MAU2: variants seen among roughly 807,000 people sequenced by gnomAD.
The protein encoded by MAU2 is MAU2 sister chromatid cohesion factor, also known as MAU2 chromatid cohesion factor homolog.
Under a neutral mutation model 89.1 loss-of-function variants are expected in MAU2, and 9 were observed. That is an observed-to-expected ratio of 0.10 (90% CI 0.06 to 0.18). MAU2 has a LOEUF of 0.18. Among genes scored for constraint, MAU2 ranks in the 10% least tolerant of loss-of-function variants. The pLI is 1.00. For synonymous variants in MAU2, 357 were observed against 343.4 expected, an observed-to-expected ratio of 1.04 and a Z score of -0.44; for missense variants, 425 against 803.5, an observed-to-expected ratio of 0.53 and a Z score of 5.69.
At chr19:19,349,732 G>C (rs73001065) in intron 16 of MAU2, among the ~76,000 whole-genome samples, 7,221 of 152,298 alleles carry the variant, frequency 0.047, 216 homozygotes, top group Non-Finnish European at 0.067. Flanking sequence ...GCTGCCCTGA[G>C]CTACTGGGGA....
intron 18 of MAU2, 148 bp downstream of exon 18, chr19:19,355,539 C>A: frequency 7.8e-7 from 1 of 1,278,540 alleles, no homozygotes; most frequent in Non-Finnish European, 1.1e-6. Flanking sequence ...TGGCCATGGG[C>A]ACCCCCACCC....
rs2061605705 is a variant in MAU2, at chr19:19,337,348, A to C, written c.456+83A>C. 7 of 1,100,668 alleles carry C rather than the reference A, an allele frequency of 6.4e-6. No homozygotes were observed. In the South Asian group the frequency reaches 6.4e-5, roughly 10 times the overall value. 68.2% of individuals were successfully genotyped at this position (1,100,668 alleles called of 1,614,324 possible). ...ACCTGCCCCATTTGCAAAGAACAGC[A>C]GAGTCCACGATGCGCAGACCCCCTC... On this transcript the variant is annotated intron_variant, in intron 4 of 18. Coordinates refer to ENST00000262815, the MANE Select transcript of MAU2 (RefSeq NM_015329.4).
At chr19:19,341,554 A>G in intron 7 of MAU2, 147 bp downstream of exon 7, 1 of 999,608 alleles carries the variant, frequency 1.0e-6, no homozygotes, top group East Asian at 2.6e-5. Context: ...CCGGACACAC[A>G]CACTCCTGTC....
chr19:19,354,528 CCTT>C, intron 17 of MAU2, 83 bp downstream of exon 17: 1 of 1,286,254 alleles, frequency 7.8e-7, no homozygotes, highest in Non-Finnish European at 1.1e-6. Context: ...TCCTGCTCAG[CCTT>C]AGCTCGGACT....
Position 19,330,716 on chromosome 19 carries a change from G to C in MAU2, c.277-5002G>C, listed in dbSNP as rs183182556. ...GATCACACCATTGCACTCCAGCCTG[G>C]GCAGCAAGAGCGAAAATTCATCTCA... On this transcript the variant is annotated intron_variant, in intron 1 of 18. Transcript: ENST00000262815. Among the ~76,000 whole-genome samples, 1,010 of 152,224 alleles carry C rather than the reference G, an allele frequency of 6.6e-3. 40 individuals are homozygous for C. Among genetic ancestry groups the C allele is most frequent in the Admixed American group, 0.062 (944 of 15,286 alleles).
At chr19:19,336,331 C>T (rs2061596490) in intron 3 of MAU2, 144 bp downstream of exon 3, 1 of 621,540 alleles carries the variant, frequency 1.6e-6, no homozygotes, top group South Asian at 1.9e-5. Context: ...GACAGGGTCT[C>T]ACTCTGTCGC....
At chr19:19,342,916 C>T (rs758050254) in intron 9 of MAU2, 50 bp downstream of exon 9, 46 of 1,596,560 alleles carry the variant, frequency 2.9e-5, no homozygotes, top group South Asian at 3.3e-5. Context: ...CCCTGGCGGA[C>T]GGCCTGGCCA....
chr19:19,342,146 C>T (rs1427658318), intron 7 of MAU2, among the ~76,000 whole-genome samples: 1 of 152,178 alleles, frequency 6.6e-6, no homozygotes. Context: ...CGAGATGGAC[C>T]ACAGCGCCTG....
At chr19:19,329,964 T>A (rs1480692539) in intron 1 of MAU2, among the ~76,000 whole-genome samples, 1 of 144,580 alleles carries the variant, frequency 6.9e-6, no homozygotes, top group Non-Finnish European at 1.5e-5. Context: ...TAATTATTTA[T>A]TTATTTATTT....
chr19:19,348,015 C>T (rs2061709876), intron 13 of MAU2: 1 of 153,450 alleles, frequency 6.5e-6, no homozygotes, highest in South Asian at 2.0e-4. Context: ...TGGGATCCCC[C>T]TCAGCCCTAG....
chr19:19,333,159 C>G (rs74980519), intron 1 of MAU2, among the ~76,000 whole-genome samples: 1,639 of 151,970 alleles, frequency 0.011, 15 homozygotes, highest in Middle Eastern at 0.035. Context: ...TTGATGTTAG[C>G]CACATCATGG....
intron 16 of MAU2, among the ~76,000 whole-genome samples, chr19:19,350,498 G>A (rs1362139339): frequency 6.6e-6 from 1 of 151,906 alleles, no homozygotes; most frequent in Non-Finnish European, 1.5e-5. Context: ...CAGCTATTCT[G>A]GAGGCTGAGA....
chr19:19,358,146 G>A lies in MAU2; in HGVS notation c.*2364G>A, dbSNP rs1031084969. On this transcript the variant is annotated 3_prime_UTR_variant, in exon 19 of 19. Coordinates refer to ENST00000262815, the MANE Select transcript of MAU2 (RefSeq NM_015329.4). ...CTGAGGACACATCACACAGTGTCCT[G>A]TAGCTAAGTGTCTAGGAAAAAACAA... 2.6e-5 allele frequency: 4 copies of A among 151,818 alleles called. No individual in the cohort carries two copies. Among genetic ancestry groups the A allele is most frequent in the Non-Finnish European group, 5.9e-5 (4 of 67,996 alleles). 9.4% of individuals were successfully genotyped at this position (151,818 alleles called of 1,614,324 possible). A position where few individuals can be genotyped will look rare whatever the true frequency, so the allele number is the denominator to read the frequency against.
intron 10 of MAU2, 190 bp from the exon 11 acceptor site, chr19:19,344,659 G>A (rs1004701228): frequency 1.5e-5 from 9 of 606,466 alleles, no homozygotes; most frequent in Non-Finnish European, 2.7e-5. Flanking sequence ...TAACAGACAA[G>A]GGTCCCTGTC....
At chr19:19,349,501 G>T in intron 16 of MAU2, 65 bp downstream of exon 16, 1 of 1,402,808 alleles carries the variant, frequency 7.1e-7, no homozygotes, top group Non-Finnish European at 1.0e-6. Flanking sequence ...GACAGGAGCC[G>T]GCCAGCACCC....
At chr19:19,350,509 C>G (rs779619579) in intron 16 of MAU2, among the ~76,000 whole-genome samples, 2 of 151,588 alleles carry the variant, frequency 1.3e-5, no homozygotes, top group Admixed American at 6.6e-5. Context: ...GAGGCTGAGA[C>G]AGGAGAATTG....
rs550500014 is a variant in MAU2, at chr19:19,355,872, C to T, written c.*90C>T. The stretch of plus-strand genomic sequence containing the variant: ...TCAAGCCTGCCCCCGAGGCGTGCTT[C>T]CTTCCTGATTGTCTCTAGAGCTTCC... On this transcript the variant is annotated 3_prime_UTR_variant, in exon 19 of 19. Coordinates refer to ENST00000262815, the MANE Select transcript of MAU2 (RefSeq NM_015329.4). The T allele has an allele frequency of 1.6e-6, 2 of 1,215,468 alleles. No homozygotes were observed. Among genetic ancestry groups the T allele is most frequent in the Non-Finnish European group, 2.4e-6 (2 of 831,814 alleles). The allele number at this position is 1,215,468 out of a possible 1,614,324, so 75.3% of individuals were successfully genotyped here. A position where few individuals can be genotyped will look rare whatever the true frequency, so the allele number is the denominator to read the frequency against.
chr19:19,341,904 G>A (rs2061651339), intron 7 of MAU2, among the ~76,000 whole-genome samples: 1 of 152,196 alleles, frequency 6.6e-6, no homozygotes, highest in South Asian at 2.1e-4. Context: ...GACAGTCTCA[G>A]CCCTTCGGGG....
chr19:19,355,358 G>A lies in MAU2; in HGVS notation c.1734G>A (p.Glu578=), dbSNP rs963532448. The change falls in exon 18 of 19, where the codon GAG becomes GAA. Residue 578 remains glutamate (E), a synonymous_variant. Transcript: ENST00000262815. The stretch of plus-strand genomic sequence containing the variant: ...AGCAGCTGCTCCAGGACCACATTGA[G>A]GCCTGCAGCCTCCCCGAACACAACC... The part of the protein sequence containing the change: ...FSQQLLQDHI[E]ACSLPEHNLI... The A allele has an allele frequency of 8.1e-6, 13 of 1,613,972 alleles. No individual in the cohort carries two copies. Among genetic ancestry groups the A allele is most frequent in the Non-Finnish European group, 1.1e-5 (13 of 1,179,994 alleles).
Sources: allele counts gnomAD v4.1 joint callset (sites outside exome capture counted in the v4.1 genomes callset), GRCh38; gene constraint gnomAD v4.1.1; transcripts MANE v1.5; gene names NCBI Gene and HGNC (gene_info 2026-07-23, HGNC 2026-07-21).